Variants in SDK1 observed in about 807,000 individuals in gnomAD.
The protein encoded by SDK1 is sidekick cell adhesion molecule 1.
SDK1 carries 157 observed loss-of-function variants against 245.5 expected under a neutral mutation model. That is an observed-to-expected ratio of 0.64 (90% confidence interval 0.56 to 0.73). The LOEUF (loss-of-function observed/expected upper bound fraction) is 0.73, where lower values mean the gene tolerates loss of function less well. Ranked by LOEUF, SDK1 falls within the 30% of genes least tolerant of loss-of-function variation. The probability of loss-of-function intolerance (pLI) is 0.00; values close to 1 mark genes in which losing one functional copy is unlikely to be tolerated. For missense variants in SDK1, 3,583 were observed against 3,002.3 expected (o/e 1.19, Z -4.52); for synonymous variants, 1,647 against 1,278.5 (o/e 1.29, Z -6.15).
intron 29 of SDK1, among the ~76,000 whole-genome samples, chr7:4,147,598 C>T (rs1023065898): frequency 6.6e-6 from 1 of 152,136 alleles, no homozygotes. Flanking sequence ...AGCACATCCC[C>T]TCTGTGACCA....
chr7:3,584,628 T>C (rs1780620979), intron 1 of SDK1, among the ~76,000 whole-genome samples: 1 of 152,160 alleles, frequency 6.6e-6, no homozygotes, highest in Non-Finnish European at 1.5e-5. Flanking sequence ...CTGAGAGAAC[T>C]TTCCAGAGAA....
chr7:3,465,665 T>A (rs528147050), intron 1 of SDK1, among the ~76,000 whole-genome samples: 13 of 151,872 alleles, frequency 8.6e-5, no homozygotes, highest in Non-Finnish European at 1.6e-4. Flanking sequence ...ATGACAGAGG[T>A]TGGGCCTGTG....
intron 4 of SDK1, among the ~76,000 whole-genome samples, chr7:3,725,713 T>A (rs1198454594): frequency 6.6e-6 from 1 of 152,194 alleles, no homozygotes; most frequent in Non-Finnish European, 1.5e-5. Context: ...CAAACTTCAG[T>A]TGCCGGAAGC....
intron 22 of SDK1, 29 bp downstream of exon 22, chr7:4,079,613 C>T: frequency 1.9e-6 from 3 of 1,613,130 alleles, no homozygotes; most frequent in Non-Finnish European, 2.5e-6. Flanking sequence ...TGGGAGCTGG[C>T]ATTTGCGAAG....
At chr7:3,866,010 C>T (rs80193367) in intron 5 of SDK1, among the ~76,000 whole-genome samples, 7,191 of 152,064 alleles carry the variant, frequency 0.047, 548 homozygotes, top group African/African-American at 0.16. Flanking sequence ...GATGGGGATG[C>T]GAAGGATGAG....
chr7:3,930,764 G>C (rs868015635), intron 5 of SDK1, among the ~76,000 whole-genome samples: 2 of 152,112 alleles, frequency 1.3e-5, no homozygotes, highest in Non-Finnish European at 2.9e-5. Flanking sequence ...CTTCACTCCA[G>C]CCTGGGTGAC....
At chr7:4,180,068 C>T (rs995510431) in intron 35 of SDK1, among the ~76,000 whole-genome samples, 5 of 152,044 alleles carry the variant, frequency 3.3e-5, no homozygotes, top group Admixed American at 6.5e-5. Context: ...CTTCAGCAAG[C>T]GGTAGGGAAG....
At chr7:3,701,613 A>T (rs1036973846) in intron 4 of SDK1, among the ~76,000 whole-genome samples, 71 of 152,216 alleles carry the variant, frequency 4.7e-4, no homozygotes, top group Non-Finnish European at 1.3e-4. Context: ...AAACCCAAAA[A>T]TATAAAAGAT....
chr7:3,519,609 T>A (rs1313346954), intron 1 of SDK1, among the ~76,000 whole-genome samples: 1 of 152,148 alleles, frequency 6.6e-6, no homozygotes, highest in East Asian at 1.9e-4. Flanking sequence ...TATACCAGTT[T>A]TATAAAGAAA....
chr7:4,087,850 T>TA (rs1385725059), intron 22 of SDK1, among the ~76,000 whole-genome samples: 1 of 152,232 alleles, frequency 6.6e-6, no homozygotes, highest in African/African-American at 2.4e-5. Flanking sequence ...ATGGGGTCAG[T>TA]AGTACCATCT....
chr7:3,961,558 A>C (rs918250103), intron 8 of SDK1, among the ~76,000 whole-genome samples: 1 of 152,196 alleles, frequency 6.6e-6, no homozygotes, highest in African/African-American at 2.4e-5. Context: ...CTAAGTGTAG[A>C]TATGCCTCAT....
intron 44 of SDK1, among the ~76,000 whole-genome samples, chr7:4,253,874 GAT>G (rs1170981265): frequency 2.5e-4 from 38 of 152,074 alleles, no homozygotes; most frequent in African/African-American, 8.9e-4. Context: ...TTCTAATAAA[GAT>G]ATGTCTCGTA....
intron 1 of SDK1, among the ~76,000 whole-genome samples, chr7:3,441,753 A>G (rs1352901785): frequency 2.6e-5 from 4 of 152,204 alleles, no homozygotes; most frequent in African/African-American, 4.8e-5. Context: ...TGGGTAGAAT[A>G]GACATCTTAA....
intron 22 of SDK1, among the ~76,000 whole-genome samples, chr7:4,093,623 G>A (rs1023103439): frequency 5.3e-5 from 8 of 152,358 alleles, no homozygotes; most frequent in African/African-American, 1.9e-4. Context: ...AGATGGAGCA[G>A]CCGGGCGCCC....
At chr7:4,014,035 C>T (rs1300475481) in intron 16 of SDK1, among the ~76,000 whole-genome samples, 1 of 152,254 alleles carries the variant, frequency 6.6e-6, no homozygotes, top group Non-Finnish European at 1.5e-5. Context: ...CTGCCTTAGC[C>T]ATTACCTCTC....
intron 12 of SDK1, among the ~76,000 whole-genome samples, chr7:3,972,403 C>G (rs1253461630): frequency 1.3e-5 from 2 of 152,148 alleles, no homozygotes; most frequent in Non-Finnish European, 2.9e-5. Context: ...GGAATGCCGA[C>G]ATCCTGTCTT....
chr7:3,737,661 A>C (rs915559559), intron 4 of SDK1, among the ~76,000 whole-genome samples: 1 of 152,186 alleles, frequency 6.6e-6, no homozygotes, highest in Non-Finnish European at 1.5e-5. Flanking sequence ...TACACGAGCT[A>C]GTTGCTTTGA....
At position 3,777,143 on chromosome 7, in the gene SDK1, G is replaced by C. The variant is rs187296051; in HGVS notation, c.714-44307G>C. Among the ~76,000 whole-genome samples the C allele has an allele frequency of 9.4e-4, 143 of 152,320 alleles. 1 individual carries two copies. Among genetic ancestry groups the C allele is most frequent in the African/African-American group, 3.4e-3 (140 of 41,574 alleles). On this transcript the variant is annotated intron_variant, in intron 4 of 44. Coordinates refer to ENST00000404826, the MANE Select transcript of SDK1 (RefSeq NM_152744.4). ...GGCGCTTACATTGGATGAGATAAAAGTGTCACTGTAGGGCTGTAAACTTTG... is the reference window on the plus strand; with the variant it reads ...GGCGCTTACATTGGATGAGATAAAACTGTCACTGTAGGGCTGTAAACTTTG...
At chr7:3,542,724 G>C (rs1317011906) in intron 1 of SDK1, among the ~76,000 whole-genome samples, 1 of 152,116 alleles carries the variant, frequency 6.6e-6, no homozygotes, top group Non-Finnish European at 1.5e-5. Context: ...CTTAGAAACT[G>C]TGTGTTAGGT....
Sources: allele counts gnomAD v4.1 joint callset (sites outside exome capture counted in the v4.1 genomes callset), GRCh38; gene constraint gnomAD v4.1.1; transcripts MANE v1.5; gene names NCBI Gene and HGNC (gene_info 2026-07-23, HGNC 2026-07-21).